The following RARB variants were observed in gnomAD, a reference collection of about 807,000 sequenced individuals.
The protein encoded by RARB is retinoic acid receptor beta, also known as HBV-activated protein.
Under a neutral mutation model 51.9 loss-of-function variants are expected in RARB, and 17 were observed. That is an observed-to-expected ratio of 0.33 (90% CI 0.22 to 0.49). RARB has a LOEUF of 0.49. Among genes scored for constraint, RARB ranks in the 20% least tolerant of loss-of-function variants. The probability of loss-of-function intolerance (pLI) is 0.99; values close to 1 mark genes in which losing one functional copy is unlikely to be tolerated. For synonymous variants in RARB, 215 were observed against 195.4 expected, an observed-to-expected ratio of 1.10 and a Z score of -0.84; for missense variants, 369 against 550.8, an observed-to-expected ratio of 0.67 and a Z score of 3.30.
chr3:25,234,825 C>T (rs1323170883), intron 5 of RARB, among the ~76,000 whole-genome samples: 2 of 152,096 alleles, frequency 1.3e-5, no homozygotes, highest in Non-Finnish European at 1.5e-5. Context: ...ACTCTTCAGC[C>T]CACAGGGACC....
At chr3:24,974,592 A>C (rs1352790354) in intron 2 of RARB, among the ~76,000 whole-genome samples, 1 of 152,162 alleles carries the variant, frequency 6.6e-6, no homozygotes, top group Admixed American at 6.6e-5. Flanking sequence ...AATCTCTTAA[A>C]TAATGGTATT....
intron 5 of RARB, among the ~76,000 whole-genome samples, chr3:25,393,133 T>G (rs1707018708): frequency 6.6e-6 from 1 of 152,128 alleles, no homozygotes; most frequent in Non-Finnish European, 1.5e-5. Flanking sequence ...TTTTTCTGTG[T>G]CTATTGAGAT....
At chr3:25,299,588 A>T (rs557123081) in intron 5 of RARB, among the ~76,000 whole-genome samples, 1 of 152,174 alleles carries the variant, frequency 6.6e-6, no homozygotes, top group Non-Finnish European at 1.5e-5. Context: ...TTCATATCAC[A>T]TTTAATTGTT....
intron 2 of RARB, among the ~76,000 whole-genome samples, chr3:24,913,975 C>A (rs946132780): frequency 1.3e-5 from 2 of 152,094 alleles, no homozygotes; most frequent in Non-Finnish European, 2.9e-5. Context: ...TTTCTCTATG[C>A]GATGGAAATA....
intron 2 of RARB, among the ~76,000 whole-genome samples, chr3:24,873,002 T>G (rs1301192597): frequency 6.6e-6 from 1 of 152,236 alleles, no homozygotes; most frequent in Admixed American, 6.5e-5. Context: ...TTGTGGACCA[T>G]ACATCCTCTT....
At chr3:25,480,886 C>G (rs138361470) in intron 2 of RARB, among the ~76,000 whole-genome samples, 4 of 152,224 alleles carry the variant, frequency 2.6e-5, no homozygotes, top group South Asian at 4.2e-4. Flanking sequence ...ATGAGAATCA[C>G]CTGGATGGCT....
At chr3:25,489,902 C>G (rs1030016484) in intron 2 of RARB, among the ~76,000 whole-genome samples, 7 of 152,250 alleles carry the variant, frequency 4.6e-5, no homozygotes, top group African/African-American at 1.7e-4. Flanking sequence ...GGTCGATACT[C>G]TTAGCATTAT....
At chr3:24,832,845 A>G (rs1351534509) in intron 1 of RARB, among the ~76,000 whole-genome samples, 2 of 151,924 alleles carry the variant, frequency 1.3e-5, no homozygotes, top group African/African-American at 2.4e-5. Context: ...CAGTTTTCTC[A>G]TCTGATAAAT....
rs181689369 is a variant in RARB at position 25,323,825 on chromosome 3, A to G, written c.179-137368A>G. On this transcript the variant is annotated intron_variant, in intron 5 of 11. Transcript: ENST00000383772. ...AAATTAAACTAAATTTATGACTTCA[A>G]AACCCAAGAAGACTTCCAGTTAAGT... Among the ~76,000 whole-genome samples the G allele has an allele frequency of 5.9e-5, 9 of 152,326 alleles. No homozygotes were observed. In the East Asian group the frequency reaches 1.5e-3, roughly 26 times the overall value.
intron 1 of RARB, among the ~76,000 whole-genome samples, chr3:24,846,076 ACT>A (rs1347030004): frequency 1.3e-5 from 2 of 152,176 alleles, no homozygotes; most frequent in Non-Finnish European, 2.9e-5. Flanking sequence ...TGTATGCAAC[ACT>A]CTGTTATTAC....
intron 2 of RARB, among the ~76,000 whole-genome samples, chr3:24,980,575 A>G (rs189900608): frequency 7.9e-5 from 12 of 152,152 alleles, no homozygotes; most frequent in African/African-American, 2.9e-4. Context: ...AAGCTTGTGT[A>G]TGCTTCACAC....
chr3:25,052,394 G>C (rs1442347278), intron 2 of RARB, among the ~76,000 whole-genome samples: 1 of 151,956 alleles, frequency 6.6e-6, no homozygotes, highest in Non-Finnish European at 1.5e-5. Context: ...AAAAATATAG[G>C]ACACCAAAGT....
At chr3:24,925,661 A>T (rs1654054183) in intron 2 of RARB, among the ~76,000 whole-genome samples, 1 of 150,762 alleles carries the variant, frequency 6.6e-6, no homozygotes, top group Non-Finnish European at 1.5e-5. Flanking sequence ...TTTTTAAAAA[A>T]AAAAAAAAAA....
In RARB at chr3:25,111,248, T is replaced by C. The variant is rs74577470; in HGVS notation, c.-327-20913T>C. Among the ~76,000 whole-genome samples the C allele has an allele frequency of 4.8e-3, 729 of 152,332 alleles. 13 individuals carry two copies. The highest frequency in any genetic ancestry group is 0.046 in the South Asian group (223 of 4,830). ...AGAAGAAAATTCAGTGGCATAATTTTAGGAAGTGCTTCAATCATATTTGAG... is the reference window on the plus strand; with the variant it reads ...AGAAGAAAATTCAGTGGCATAATTTCAGGAAGTGCTTCAATCATATTTGAG... On this transcript the variant is annotated intron_variant, in intron 3 of 11. Transcript: ENST00000383772.
intron 5 of RARB, among the ~76,000 whole-genome samples, chr3:25,197,649 A>G (rs1701278730): frequency 6.6e-6 from 1 of 152,034 alleles, no homozygotes; most frequent in Non-Finnish European, 1.5e-5. Flanking sequence ...TCAATAGCAA[A>G]AAAACTTGAA....
intron 2 of RARB, among the ~76,000 whole-genome samples, chr3:25,037,647 C>T (rs1698024678): frequency 6.6e-6 from 1 of 152,000 alleles, no homozygotes; most frequent in African/African-American, 2.4e-5. Flanking sequence ...TGTGGAGCAC[C>T]TACCAAGGGC....
At chr3:25,064,931 G>A (rs1171784794) in intron 3 of RARB, among the ~76,000 whole-genome samples, 1 of 152,134 alleles carries the variant, frequency 6.6e-6, no homozygotes, top group Non-Finnish European at 1.5e-5. Flanking sequence ...TGATGCAAAT[G>A]CCCTACACTA....
intron 3 of RARB, among the ~76,000 whole-genome samples, chr3:25,534,480 A>G (rs1358811214): frequency 6.6e-6 from 1 of 152,016 alleles, no homozygotes; most frequent in East Asian, 1.9e-4. Flanking sequence ...CACTGCTCAC[A>G]AGCCCTGTGG....
chr3:25,330,422 T>A (rs532345246), intron 5 of RARB, among the ~76,000 whole-genome samples: 1 of 152,200 alleles, frequency 6.6e-6, no homozygotes, highest in East Asian at 1.9e-4. Context: ...CTAAGCTTCA[T>A]AAGTGAAGGA....
Sources: allele counts gnomAD v4.1 joint callset (sites outside exome capture counted in the v4.1 genomes callset), GRCh38; gene constraint gnomAD v4.1.1; transcripts MANE v1.5; gene names NCBI Gene and HGNC (gene_info 2026-07-23, HGNC 2026-07-21).